Variants in TEX36 observed in about 807,000 individuals in gnomAD.
TEX36 encodes the protein testis-expressed protein 36.
A neutral mutation model predicts 13.6 loss-of-function variants in TEX36; 12 were observed. That is an observed-to-expected ratio of 0.88 (90% confidence interval 0.56 to 1.43). The LOEUF is 1.43. Among genes scored for constraint, TEX36 ranks in the 40% most tolerant of loss-of-function variants. The pLI, the probability that TEX36 is intolerant of heterozygous loss-of-function variation, is 0.00. For synonymous variants in TEX36, 93 were observed against 83.0 expected (o/e 1.12, Z -0.65); for missense variants, 224 against 228.3 (o/e 0.98, Z 0.12).
intron 3 of TEX36, among the ~76,000 whole-genome samples, chr10:125,595,621 C>T (rs115215903): frequency 0.018 from 2,714 of 152,254 alleles, 76 homozygotes; most frequent in African/African-American, 0.062. Context: ...TGTATGCCCC[C>T]CTTCCAGCTC....
At chr10:125,586,633 TCCAAAAAAA>T (rs1845953780) in intron 3 of TEX36, among the ~76,000 whole-genome samples, 1 of 77,430 alleles carries the variant, frequency 1.3e-5, no homozygotes, top group South Asian at 3.4e-4. Flanking sequence ...CTACTAAAAA[TCCAAAAAAA>T]AAAAAAAAAA....
At chr10:125,592,916 A>C (rs1244553633) in intron 3 of TEX36, among the ~76,000 whole-genome samples, 3 of 152,210 alleles carry the variant, frequency 2.0e-5, no homozygotes, top group Non-Finnish European at 4.4e-5. Context: ...AGGAAGGGGC[A>C]CAGAGCTTCC....
At chr10:125,630,257 C>T (rs1270752216) in intron 3 of TEX36, among the ~76,000 whole-genome samples, 2 of 152,162 alleles carry the variant, frequency 1.3e-5, no homozygotes, top group African/African-American at 4.8e-5. Flanking sequence ...GTAAAATGTC[C>T]ATTCTCCGAG....
At chr10:125,602,503 G>A (rs957149776) in intron 3 of TEX36, among the ~76,000 whole-genome samples, 3 of 152,154 alleles carry the variant, frequency 2.0e-5, no homozygotes, top group Non-Finnish European at 4.4e-5. Context: ...GGTCAGGCAA[G>A]CCCCATCTGA....
At chr10:125,593,202 C>T (rs776586268) in intron 3 of TEX36, among the ~76,000 whole-genome samples, 2 of 152,240 alleles carry the variant, frequency 1.3e-5, no homozygotes, top group Non-Finnish European at 2.9e-5. Flanking sequence ...AGCCACCAGT[C>T]ATCTCATTAG....
At chr10:125,654,257 A>G (rs9422780), downstream of TEX36, among the ~76,000 whole-genome samples, 1,632 of 152,288 alleles carry the variant, frequency 0.011, 29 homozygotes, top group African/African-American at 0.036. Flanking sequence ...AGAAATCAAT[A>G]GCTTTCTCAT....
chr10:125,673,733 AG>A lies in TEX36; in HGVS notation c.51+9205del, dbSNP rs1440587236. Among the ~76,000 whole-genome samples the A allele has an allele frequency of 1.3e-3, 181 of 134,836 alleles. 1 individual carries two copies. Among genetic ancestry groups the A allele is most frequent in the African/African-American group, 5.4e-3 (172 of 31,768 alleles). The allele number at this position is 134,836 out of a possible 152,430, so 88.5% of individuals were successfully genotyped here. ...CTCAAAAAAAAAAAAAAAAAAAAAA[AG>A]GTTGAATATTGACCCCCAGTCTCTT... On this transcript the variant is annotated intron_variant, in intron 1 of 3. Coordinates refer to ENST00000368821, the MANE Select transcript of TEX36 (RefSeq NM_001128202.3).
intron 3 of TEX36, among the ~76,000 whole-genome samples, chr10:125,625,817 A>G (rs957718007): frequency 6.6e-6 from 1 of 152,202 alleles, no homozygotes; most frequent in Non-Finnish European, 1.5e-5. Context: ...CTTTCTGTGT[A>G]TCTACCGGGC....
intron 1 of TEX36, among the ~76,000 whole-genome samples, chr10:125,666,063 ATATATT>A (rs1402213467): frequency 6.6e-6 from 1 of 152,150 alleles, no homozygotes; most frequent in African/African-American, 2.4e-5. Context: ...ACTTTACTGA[ATATATT>A]TATCAGATCT....
At chr10:125,614,863 T>G (rs1846337421) in intron 3 of TEX36, among the ~76,000 whole-genome samples, 1 of 152,206 alleles carries the variant, frequency 6.6e-6, no homozygotes, top group African/African-American at 2.4e-5. Flanking sequence ...ATCTGTAAAT[T>G]ACCTTGGGCA....
At chr10:125,594,772 A>G (rs1846061559) in intron 3 of TEX36, among the ~76,000 whole-genome samples, 1 of 152,254 alleles carries the variant, frequency 6.6e-6, no homozygotes, top group Non-Finnish European at 1.5e-5. Flanking sequence ...TAAAATTGAT[A>G]AAAACTGTCT....
Position 125,640,800 on chromosome 10 carries a change from CTG to C in TEX36, c.265-19157_265-19156del, listed in dbSNP as rs1846678735. On this transcript the variant is annotated intron_variant, in intron 3 of 3. Coordinates refer to the TEX36 transcript ENST00000526819. Reference sequence around the variant, plus strand: ...CCCAGTGCCATGCTAGGACCAAAGACTGTGGGTGGCAGCAAAGAGCCTGAAGG... The same window carrying C: ...CCCAGTGCCATGCTAGGACCAAAGACTGGGTGGCAGCAAAGAGCCTGAAGG... 3.9e-5 allele frequency among the ~76,000 whole-genome samples: 6 copies of C among 152,262 alleles called. No homozygotes were observed. The South Asian group carries it at 1.2e-3, about 32-fold the overall frequency.
chr10:125,677,945 G>A (rs1393841831), intron 1 of TEX36, among the ~76,000 whole-genome samples: 1 of 152,114 alleles, frequency 6.6e-6, no homozygotes, highest in Admixed American at 6.5e-5. Flanking sequence ...GCCTCCCAAA[G>A]TGCTGGGATT....
chr10:125,643,725 A>T (rs2133578013), intron 3 of TEX36, among the ~76,000 whole-genome samples: 1 of 151,878 alleles, frequency 6.6e-6, no homozygotes. Flanking sequence ...CAGCCTGGGC[A>T]ACAGAGTGAG....
In TEX36 at chr10:125,648,521, C is replaced by T. The variant is rs148511293; in HGVS notation, c.264+12500G>A. Among the ~76,000 whole-genome samples the T allele has an allele frequency of 3.5e-4, 53 of 152,274 alleles. 1 individual carries two copies. In the East Asian group the frequency reaches 8.3e-3, roughly 24 times the overall value. ...ATCTGTATGTTACCATCATCAAAGA[C>T]AAAAGGTAGATAGAACCACAAAGAT... On this transcript the variant is annotated intron_variant, in intron 3 of 3. Transcript: ENST00000526819.
intron 3 of TEX36, among the ~76,000 whole-genome samples, chr10:125,634,453 C>A (rs1025642775): frequency 8.5e-5 from 13 of 152,154 alleles, no homozygotes; most frequent in Admixed American, 3.3e-4. Flanking sequence ...GCTTTGGGCA[C>A]TTTTCCTTGT....
At chr10:125,633,655 A>G (rs1197794407) in intron 3 of TEX36, among the ~76,000 whole-genome samples, 2 of 152,258 alleles carry the variant, frequency 1.3e-5, no homozygotes, top group African/African-American at 4.8e-5. Context: ...TTCCCACTGA[A>G]CATTATCTGA....
intron 3 of TEX36, among the ~76,000 whole-genome samples, chr10:125,642,270 G>A (rs1846703674): frequency 6.6e-6 from 1 of 152,168 alleles, no homozygotes; most frequent in African/African-American, 2.4e-5. Context: ...CTTAGCACAG[G>A]CAGAGATAAA....
At position 125,642,027 on chromosome 10, in the gene TEX36, G is replaced by T. The variant is rs189527887; in HGVS notation, c.264+18994C>A. Among the ~76,000 whole-genome samples the T allele has an allele frequency of 1.3e-4, 20 of 152,320 alleles. No individual in the cohort carries two copies. The East Asian group carries it at 3.7e-3, about 28-fold the overall frequency. ...CTCTGTGTCCCTCCACATAATTGCA[G>T]ATTTGGTTCTGTATGTCTTTTGGGT... On this transcript the variant is annotated intron_variant, in intron 3 of 3. Coordinates refer to the TEX36 transcript ENST00000526819.
Sources: allele counts gnomAD v4.1 joint callset (sites outside exome capture counted in the v4.1 genomes callset), GRCh38; gene constraint gnomAD v4.1.1; transcripts MANE v1.5; gene names NCBI Gene and HGNC (gene_info 2026-07-23, HGNC 2026-07-21).